The following DENND1A variants were observed in gnomAD, a reference collection of about 807,000 sequenced individuals.
The protein encoded by DENND1A is DENN domain-containing protein 1A.
DENND1A carries 51 observed loss-of-function variants against 113.7 expected under a neutral mutation model. The ratio of observed to expected loss-of-function variants is 0.45; its 90% CI spans 0.36 to 0.57. The LOEUF is 0.57. Ranked by LOEUF, DENND1A falls within the 20% of genes least tolerant of loss-of-function variation. The pLI is 0.00. For missense variants in DENND1A, 1,258 were observed against 1,395.9 expected (o/e 0.90, Z 1.57); for synonymous variants, 565 against 570.8 (o/e 0.99, Z 0.14).
At chr9:123,784,320 C>T (rs146094349) in intron 3 of DENND1A, among the ~76,000 whole-genome samples, 2 of 152,254 alleles carry the variant, frequency 1.3e-5, no homozygotes, top group Admixed American at 6.5e-5. Context: ...AAGTCATCTC[C>T]GGCCATCTTA....
At position 123,781,928 on chromosome 9, in the gene DENND1A, G is replaced by C. The variant is rs1831376546; in HGVS notation, c.132+10659C>G. On this transcript the variant is annotated intron_variant, in intron 3 of 23. Coordinates refer to ENST00000394215, the MANE Select transcript of DENND1A (RefSeq NM_001352964.2). The stretch of plus-strand genomic sequence containing the variant: ...CTACTAAAAATTCAAAAATTAGCCA[G>C]GCGTGGTGACACATGCCTGTAGTCC... Among the ~76,000 whole-genome samples the C allele has an allele frequency of 2.0e-5, 3 of 152,064 alleles. 1 individual carries two copies. The South Asian group carries it at 6.2e-4, about 31-fold the overall frequency.
chr9:123,635,111 G>A (rs1564855623), intron 9 of DENND1A, among the ~76,000 whole-genome samples: 1 of 152,032 alleles, frequency 6.6e-6, no homozygotes, highest in Non-Finnish European at 1.5e-5. Context: ...TCATTTCTCA[G>A]AGATAAAGCC....
chr9:123,889,694 C>T (rs1026639816), intron 1 of DENND1A, among the ~76,000 whole-genome samples: 25 of 152,048 alleles, frequency 1.6e-4, no homozygotes, highest in Admixed American at 4.6e-4. Context: ...CAAAAGAGGC[C>T]GGGCGTGGTG....
At chr9:123,396,222 G>A (rs576582934) in intron 21 of DENND1A, among the ~76,000 whole-genome samples, 1 of 152,312 alleles carries the variant, frequency 6.6e-6, no homozygotes, top group Admixed American at 6.5e-5. Context: ...TCCTGGAGAT[G>A]TTAATAGGCA....
At chr9:123,544,961 G>C (rs1189921056) in intron 13 of DENND1A, among the ~76,000 whole-genome samples, 2 of 152,028 alleles carry the variant, frequency 1.3e-5, no homozygotes, top group Non-Finnish European at 2.9e-5. Context: ...AGCCGGTCGT[G>C]GTGGCGGGCG....
chr9:123,592,787 A>G (rs1375594371), intron 11 of DENND1A, among the ~76,000 whole-genome samples: 1 of 152,136 alleles, frequency 6.6e-6, no homozygotes, highest in Non-Finnish European at 1.5e-5. Context: ...CTCCAGGTGC[A>G]TGCCACTGTG....
At chr9:123,513,361 A>G (rs929200494) in intron 13 of DENND1A, among the ~76,000 whole-genome samples, 20 of 152,244 alleles carry the variant, frequency 1.3e-4, no homozygotes, top group African/African-American at 4.6e-4. Flanking sequence ...CGTCGGATGC[A>G]TGTTACTCAA....
chr9:123,642,634 T>C (rs767971779), intron 9 of DENND1A, among the ~76,000 whole-genome samples: 3 of 152,248 alleles, frequency 2.0e-5, no homozygotes, highest in Non-Finnish European at 4.4e-5. Flanking sequence ...TTTGGTAAGT[T>C]TCCAGTTACA....
chr9:123,583,331 C>T, intron 11 of DENND1A, 61 bp from the exon 12 acceptor site: 1 of 1,255,696 alleles, frequency 8.0e-7, no homozygotes, highest in Middle Eastern at 1.9e-4. Context: ...ACACACTTCC[C>T]CTGCCTTCTC....
chr9:123,706,359 C>G (rs976969450), intron 5 of DENND1A, among the ~76,000 whole-genome samples: 1 of 151,606 alleles, frequency 6.6e-6, no homozygotes, highest in Non-Finnish European at 1.5e-5. Flanking sequence ...ACTATGTTGG[C>G]CAGGCTGGTC....
chr9:123,699,688 C>CTTTTTTTTTTTTTT (rs34215948), intron 5 of DENND1A, among the ~76,000 whole-genome samples: 37 of 112,418 alleles, frequency 3.3e-4, no homozygotes, highest in South Asian at 6.0e-4. Flanking sequence ...TTCTTTCTTT[C>CTTTTTTTTTTTTTT]TTTTTTTTTT....
At position 123,874,216 on chromosome 9, in the gene DENND1A, A is replaced by C. The variant is rs564859159; in HGVS notation, c.88+4735T>G. 2.6e-4 allele frequency among the ~76,000 whole-genome samples: 39 copies of C among 149,364 alleles called. 2 individuals carry two copies. In the South Asian group the frequency reaches 6.7e-3, roughly 26 times the overall value. On this transcript the variant is annotated intron_variant, in intron 2 of 23. Transcript: ENST00000394215. The stretch of plus-strand genomic sequence containing the variant: ...TTTAAAAAGTAAAAAAAAAAAAAAA[A>C]CGAAAAAAAGGAAATATTGGAAAAT...
At chr9:123,864,610 G>A (rs1845560771) in intron 2 of DENND1A, among the ~76,000 whole-genome samples, 1 of 152,144 alleles carries the variant, frequency 6.6e-6, no homozygotes, top group Non-Finnish European at 1.5e-5. Flanking sequence ...AAGCACGTCT[G>A]CTCATAGAAA....
intron 2 of DENND1A, among the ~76,000 whole-genome samples, chr9:123,840,938 A>T (rs1254818972): frequency 1.2e-4 from 18 of 152,226 alleles, no homozygotes; most frequent in Non-Finnish European, 5.9e-5. Flanking sequence ...AGCATGCAGA[A>T]TGTTAAGTGG....
At chr9:123,547,781 T>C (rs1360163133) in intron 13 of DENND1A, among the ~76,000 whole-genome samples, 1 of 152,226 alleles carries the variant, frequency 6.6e-6, no homozygotes, top group African/African-American at 2.4e-5. Context: ...CAGGGTGTTT[T>C]GCATGGCTCC....
chr9:123,663,420 T>G (rs1034489164), intron 8 of DENND1A, among the ~76,000 whole-genome samples: 1 of 152,232 alleles, frequency 6.6e-6, no homozygotes, highest in Non-Finnish European at 1.5e-5. Flanking sequence ...TTTATTATTA[T>G]AGTTTTCGTT....
intron 13 of DENND1A, among the ~76,000 whole-genome samples, chr9:123,467,941 C>T (rs1025818511): frequency 8.5e-5 from 13 of 152,214 alleles, no homozygotes; most frequent in Non-Finnish European, 8.8e-5. Flanking sequence ...TGTGCACTCT[C>T]ACTCCTGGCT....
At position 123,604,717 on chromosome 9, in the gene DENND1A, G is replaced by A. The variant is rs547329238; in HGVS notation, c.765+4719C>T. ...AAGTGTCACTCCCAAGCCTGGTACC[G>A]TGCCTCTGCATTGCAGACCAGGAGA... On this transcript the variant is annotated intron_variant, in intron 11 of 23. Transcript: ENST00000394215. Among the ~76,000 whole-genome samples, 11 of 152,338 alleles carry A rather than the reference G, an allele frequency of 7.2e-5. No homozygotes were observed. In the South Asian group the frequency reaches 8.3e-4, roughly 11 times the overall value.
At chr9:123,885,215 G>A (rs139044923) in intron 1 of DENND1A, among the ~76,000 whole-genome samples, 2 of 152,062 alleles carry the variant, frequency 1.3e-5, no homozygotes, top group East Asian at 1.9e-4. Context: ...AGTCTATATC[G>A]CAGACCAATT....
Sources: gnomAD v4.1 joint callset for allele counts (sites outside exome capture counted in the v4.1 genomes callset) on GRCh38, gnomAD v4.1.1 for gene constraint, MANE v1.5 for transcripts, NCBI Gene and HGNC (gene_info 2026-07-23, HGNC 2026-07-21) for gene names.